The following TSGA10 variants were observed in gnomAD, a reference collection of about 807,000 sequenced individuals.
TSGA10 encodes the protein testis specific 10, also known as testis-specific gene 10 protein.
In TSGA10, 43 loss-of-function variants were observed where a neutral mutation model predicts 96.6. The ratio of observed to expected loss-of-function variants is 0.44; its 90% CI spans 0.35 to 0.57. The LOEUF (loss-of-function observed/expected upper bound fraction) is 0.57, where lower values mean the gene tolerates loss of function less well. TSGA10 is among the 20% of genes least tolerant of loss of function. TSGA10 has a pLI of 0.01. For synonymous variants in TSGA10, 229 were observed against 269.9 expected (o/e 0.85, Z 1.48); for missense variants, 703 against 834.4 (o/e 0.84, Z 1.94).
chr2:99,099,109 T>C (rs753027065), intron 10 of TSGA10, among the ~76,000 whole-genome samples: 1 of 152,114 alleles, frequency 6.6e-6, no homozygotes, highest in Middle Eastern at 3.2e-3. Flanking sequence ...GGTCGGGAGT[T>C]CAAGACCAGC....
chr2:99,091,836 C>T (rs963653351), intron 10 of TSGA10, among the ~76,000 whole-genome samples: 32 of 152,100 alleles, frequency 2.1e-4, no homozygotes, highest in African/African-American at 7.5e-4. Context: ...GACTTCAATA[C>T]TCCACTGACA....
intron 10 of TSGA10, among the ~76,000 whole-genome samples, chr2:99,098,759 T>C (rs2090378900): frequency 6.6e-6 from 1 of 152,050 alleles, no homozygotes; most frequent in Non-Finnish European, 1.5e-5. Context: ...ATACTAAACA[T>C]CCTTTTAAAT....
intron 16 of TSGA10, among the ~76,000 whole-genome samples, chr2:99,038,879 T>C (rs987164389): frequency 1.3e-5 from 2 of 152,068 alleles, no homozygotes; most frequent in Admixed American, 6.6e-5. Flanking sequence ...AAACAGACCA[T>C]ATGATAGGCC....
chr2:99,000,272 C>A (rs1195126279), intron 20 of TSGA10, among the ~76,000 whole-genome samples: 1 of 151,862 alleles, frequency 6.6e-6, no homozygotes, highest in African/African-American at 2.4e-5. Context: ...CCTTGGGAGG[C>A]CAAGGCAGGT....
intron 16 of TSGA10, among the ~76,000 whole-genome samples, chr2:99,037,808 C>T (rs1222316075): frequency 6.6e-6 from 1 of 151,974 alleles, no homozygotes; most frequent in Non-Finnish European, 1.5e-5. Context: ...TGGGATCGCG[C>T]CATTGCACTG....
chr2:99,070,758 T>A (rs1412573181), intron 14 of TSGA10, among the ~76,000 whole-genome samples: 1 of 152,168 alleles, frequency 6.6e-6, no homozygotes, highest in Non-Finnish European at 1.5e-5. Flanking sequence ...ATTAATTTTT[T>A]AAATAAACTT....
chr2:99,065,602 T>C (rs868531957), intron 15 of TSGA10, among the ~76,000 whole-genome samples: 17 of 152,188 alleles, frequency 1.1e-4, no homozygotes, highest in Non-Finnish European at 1.0e-4. Flanking sequence ...TTCTGATAAT[T>C]TCCTGTCTGG....
chr2:99,064,633 G>A (rs1053114501), intron 16 of TSGA10, among the ~76,000 whole-genome samples: 9 of 152,108 alleles, frequency 5.9e-5, no homozygotes, highest in Admixed American at 1.3e-4. Context: ...AAGCAAACAT[G>A]GCAAAATGTT....
chr2:99,092,363 C>A (rs1235957257), intron 10 of TSGA10, among the ~76,000 whole-genome samples: 3 of 152,048 alleles, frequency 2.0e-5, no homozygotes, highest in Non-Finnish European at 4.4e-5. Context: ...TCTAAGGTCA[C>A]ACCTCAAGAA....
chr2:99,021,064 C>T (rs1279980250), intron 17 of TSGA10, among the ~76,000 whole-genome samples: 2 of 151,504 alleles, frequency 1.3e-5, no homozygotes, highest in Non-Finnish European at 2.9e-5. Flanking sequence ...AAAATATGCT[C>T]AGTGAGACAA....
chr2:99,031,158 T>C (rs146804529), intron 17 of TSGA10, among the ~76,000 whole-genome samples: 2 of 151,416 alleles, frequency 1.3e-5, no homozygotes, highest in Non-Finnish European at 2.9e-5. Context: ...TGTAAAAGAA[T>C]AGAAAACCAA....
chr2:99,037,427 T>A (rs1022882030), intron 16 of TSGA10, among the ~76,000 whole-genome samples: 4 of 152,132 alleles, frequency 2.6e-5, no homozygotes, highest in Admixed American at 6.5e-5. Flanking sequence ...ACAAAAAAAA[T>A]TTAGAATATT....
At chr2:99,111,018 T>C (rs1396966703) in intron 4 of TSGA10, 103 bp from the exon 5 acceptor site, 3 of 199,440 alleles carry the variant, frequency 1.5e-5, no homozygotes, top group Non-Finnish European at 2.7e-5. Context: ...AATAAAAACA[T>C]GAAGGCAGTG....
chr2:99,004,695 C>A (rs2078300684), intron 20 of TSGA10, among the ~76,000 whole-genome samples: 1 of 152,012 alleles, frequency 6.6e-6, no homozygotes, highest in Non-Finnish European at 1.5e-5. Context: ...GGATTCACAG[C>A]CGAATTCTAC....
At chr2:99,103,031 C>T (rs1455582682) in intron 10 of TSGA10, among the ~76,000 whole-genome samples, 7 of 149,208 alleles carry the variant, frequency 4.7e-5, no homozygotes, top group African/African-American at 1.5e-4. Context: ...ATTATTTTAT[C>T]GCTTATACTG....
chr2:99,030,297 A>T (rs1200798155), intron 17 of TSGA10, among the ~76,000 whole-genome samples: 1 of 152,092 alleles, frequency 6.6e-6, no homozygotes, highest in Non-Finnish European at 1.5e-5. Context: ...CAGTGAGCCA[A>T]GATAGTGCCA....
intron 4 of TSGA10, among the ~76,000 whole-genome samples, chr2:99,112,935 T>C (rs1215499108): frequency 6.7e-6 from 1 of 149,962 alleles, no homozygotes; most frequent in African/African-American, 2.4e-5. Flanking sequence ...AAATACTTTT[T>C]ATTGAATCAC....
At chr2:99,115,258 G>A (rs953979201) in intron 4 of TSGA10, among the ~76,000 whole-genome samples, 2 of 151,892 alleles carry the variant, frequency 1.3e-5, no homozygotes, top group African/African-American at 4.8e-5. Flanking sequence ...TTATAATTAA[G>A]ACAGATGGAA....
At chr2:99,059,265 T>G (rs2084375799) in intron 16 of TSGA10, among the ~76,000 whole-genome samples, 1 of 151,538 alleles carries the variant, frequency 6.6e-6, no homozygotes, top group African/African-American at 2.4e-5. Context: ...ACTAAAAAAT[T>G]AAAGTGATAT....
Sources: gnomAD v4.1 joint callset for allele counts (sites outside exome capture counted in the v4.1 genomes callset) on GRCh38, gnomAD v4.1.1 for gene constraint, MANE v1.5 for transcripts, NCBI Gene and HGNC (gene_info 2026-07-23, HGNC 2026-07-21) for gene names.